ARMC9: variants seen among roughly 807,000 people sequenced by gnomAD.
ARMC9 encodes lisH domain-containing protein ARMC9.
In ARMC9, 94 loss-of-function variants were observed where a neutral mutation model predicts 107.0. The observed-to-expected ratio is 0.88, with a 90% CI of 0.74 to 1.04. The LOEUF is 1.04. Ranked by LOEUF, ARMC9 falls within the 50% of genes least tolerant of loss-of-function variation. ARMC9 has a pLI of 0.00. For missense variants in ARMC9, 942 were observed against 1,030.1 expected, an observed-to-expected ratio of 0.91 and a Z score of 1.17; for synonymous variants, 380 against 396.9, an observed-to-expected ratio of 0.96 and a Z score of 0.51.
chr2:231,265,192 C>A (rs866633218), intron 12 of ARMC9, among the ~76,000 whole-genome samples: 1 of 152,100 alleles, frequency 6.6e-6, no homozygotes, highest in Non-Finnish European at 1.5e-5. Flanking sequence ...GAAAACAGTA[C>A]GGAGATTCCT....
intron 20 of ARMC9, among the ~76,000 whole-genome samples, chr2:231,338,852 A>C (rs1208075642): frequency 6.6e-6 from 1 of 152,162 alleles, no homozygotes; most frequent in Non-Finnish European, 1.5e-5. Flanking sequence ...ATAAACATAA[A>C]AATGTAATGT....
chr2:231,215,199 A>G (rs569922296), intron 4 of ARMC9, 198 bp downstream of exon 4: 2 of 581,732 alleles, frequency 3.4e-6, no homozygotes, highest in Non-Finnish European at 5.6e-6. Context: ...TGGAGATTTA[A>G]TAATTTCTGT....
chr2:231,354,333 G>A (rs573570782), intron 21 of ARMC9, among the ~76,000 whole-genome samples: 1 of 148,550 alleles, frequency 6.7e-6, no homozygotes, highest in African/African-American at 2.5e-5. Context: ...CCTCAGGCTG[G>A]TTACATGTCT....
chr2:231,256,310 T>TGC, intron 9 of ARMC9: 1 of 1,554,718 alleles, frequency 6.4e-7, no homozygotes, highest in African/African-American at 1.4e-5. Flanking sequence ...GCGCTGAGCT[T>TGC]GCTTGCTCGC....
intron 7 of ARMC9, among the ~76,000 whole-genome samples, chr2:231,234,758 C>T (rs371684846): frequency 5.9e-5 from 9 of 152,278 alleles, no homozygotes; most frequent in African/African-American, 9.6e-5. Flanking sequence ...CGAGCACCAC[C>T]ATGCCTGGCA....
intron 9 of ARMC9, among the ~76,000 whole-genome samples, chr2:231,242,420 G>A (rs1315728742): frequency 3.3e-5 from 5 of 152,142 alleles, no homozygotes; most frequent in Non-Finnish European, 5.9e-5. Flanking sequence ...ATTTTAGTGT[G>A]CCAAAATCTT....
chr2:231,267,291 C>G (rs1243184626), intron 12 of ARMC9, among the ~76,000 whole-genome samples: 1 of 152,054 alleles, frequency 6.6e-6, no homozygotes, highest in Admixed American at 6.6e-5. Flanking sequence ...GGTGCAGTGG[C>G]GTGATCTCGG....
intron 19 of ARMC9, among the ~76,000 whole-genome samples, chr2:231,309,671 T>C (rs566702465): frequency 6.6e-4 from 100 of 152,258 alleles, no homozygotes; most frequent in Admixed American, 1.9e-3. Context: ...ATAGATGTCT[T>C]GAATTCTGAA....
At chr2:231,359,195 C>T (rs992636830) in intron 22 of ARMC9, among the ~76,000 whole-genome samples, 12 of 151,194 alleles carry the variant, frequency 7.9e-5, no homozygotes, top group East Asian at 3.9e-4. Context: ...CAAGTGATTC[C>T]CCTGCCTCAG....
At chr2:231,223,180 G>C (rs532532204) in intron 6 of ARMC9, among the ~76,000 whole-genome samples, 2 of 152,134 alleles carry the variant, frequency 1.3e-5, no homozygotes, top group South Asian at 4.2e-4. Context: ...CATATGGATC[G>C]GGTGACCATC....
At chr2:231,332,476 G>T (rs2043806892) in intron 20 of ARMC9, among the ~76,000 whole-genome samples, 1 of 152,148 alleles carries the variant, frequency 6.6e-6, no homozygotes, top group South Asian at 2.1e-4. Flanking sequence ...TTTCAGGATG[G>T]AGCCAGTGGT....
intron 17 of ARMC9, among the ~76,000 whole-genome samples, chr2:231,286,824 T>G (rs1202553219): frequency 1.3e-5 from 2 of 152,194 alleles, no homozygotes; most frequent in African/African-American, 4.8e-5. Context: ...CAAATGCTAT[T>G]ATAGTAATCT....
At chr2:231,283,172 G>A (rs2040342118) in intron 17 of ARMC9, among the ~76,000 whole-genome samples, 1 of 152,090 alleles carries the variant, frequency 6.6e-6, no homozygotes, top group Non-Finnish European at 1.5e-5. Context: ...GAAAAAAGAC[G>A]GAAGAGAGGG....
At chr2:231,334,834 T>C (rs544022842) in intron 20 of ARMC9, among the ~76,000 whole-genome samples, 1 of 152,178 alleles carries the variant, frequency 6.6e-6, no homozygotes, top group Admixed American at 6.5e-5. Context: ...ATGCCCTTGC[T>C]CTTGTGGTGC....
intron 19 of ARMC9, among the ~76,000 whole-genome samples, chr2:231,304,466 G>A (rs545861688): frequency 2.0e-5 from 3 of 152,182 alleles, no homozygotes; most frequent in African/African-American, 4.8e-5. Flanking sequence ...GCCATCTCTC[G>A]GCCAGCTGCA....
chr2:231,217,430 A>G (rs1236827775), intron 5 of ARMC9, among the ~76,000 whole-genome samples: 6 of 152,070 alleles, frequency 3.9e-5, no homozygotes, highest in Non-Finnish European at 7.4e-5. Flanking sequence ...CTAAAAGTAC[A>G]AAAATTAGCC....
chr2:231,288,155 T>C (rs893787936), intron 17 of ARMC9, among the ~76,000 whole-genome samples: 4 of 152,184 alleles, frequency 2.6e-5, no homozygotes, highest in African/African-American at 9.7e-5. Context: ...CAGTAAGCAT[T>C]GAGATGTTAG....
rs1669084 is a variant in ARMC9 at position 231,331,885 on chromosome 2, G to A, written c.1866G>A (p.Thr622=). Residue 622 remains threonine (T), a synonymous_variant, in exon 20 of 25, where the codon ACG becomes ACA. Coordinates refer to ENST00000611582, the MANE Select transcript of ARMC9 (RefSeq NM_001352754.2). The stretch of plus-strand genomic sequence containing the variant: ...TCTCAGGAGAGAAGCTTCTGACCAC[G>A]GAGTACCTGGGGGTAAGTGCCACAC... The part of the protein sequence containing the change: ...GELSGEKLLT[T]EYLGIMTNTG... 0.34 allele frequency: 540,585 copies of A among 1,608,284 alleles called. 92,689 individuals are homozygous for A. The highest frequency in any genetic ancestry group is 0.35 in the Middle Eastern group (2,140 of 6,060).
intron 6 of ARMC9, among the ~76,000 whole-genome samples, chr2:231,225,575 A>G (rs1448301916): frequency 3.9e-5 from 6 of 152,226 alleles, no homozygotes; most frequent in African/African-American, 1.2e-4. Flanking sequence ...ATGCTGTAAC[A>G]TGAATGATCC....
Sources: allele counts gnomAD v4.1 joint callset (sites outside exome capture counted in the v4.1 genomes callset), GRCh38; gene constraint gnomAD v4.1.1; transcripts MANE v1.5; gene names NCBI Gene and HGNC (gene_info 2026-07-23, HGNC 2026-07-21).